The following RAB20 variants were observed in gnomAD, a reference collection of about 807,000 sequenced individuals.
RAB20 encodes the protein ras-related protein Rab-20.
In RAB20, 2 loss-of-function variants were observed where a neutral mutation model predicts 3.7. The ratio of observed to expected loss-of-function variants is 0.54; its 90% CI spans 0.22 to 1.69. RAB20 has a LOEUF of 1.69. RAB20 is among the 40% of genes most tolerant of loss of function. The probability of loss-of-function intolerance (pLI) is 0.19; values close to 1 mark genes in which losing one functional copy is unlikely to be tolerated. For missense variants in RAB20, 276 were observed against 311.9 expected, an observed-to-expected ratio of 0.88 and a Z score of 0.87; for synonymous variants, 126 against 130.8, an observed-to-expected ratio of 0.96 and a Z score of 0.25.
intron 1 of RAB20, among the ~76,000 whole-genome samples, chr13:110,535,039 G>T (rs1478252035): frequency 2.0e-5 from 3 of 152,108 alleles, no homozygotes; most frequent in Non-Finnish European, 4.4e-5. Context: ...TCACTAAGTT[G>T]CCCAGCCTGG....
chr13:110,556,436 T>G, intron 1 of RAB20, among the ~76,000 whole-genome samples: 1 of 152,230 alleles, frequency 6.6e-6, no homozygotes, highest in East Asian at 1.9e-4. Flanking sequence ...CAGAAAGGAA[T>G]GCAATCCTGC....
intron 1 of RAB20, among the ~76,000 whole-genome samples, chr13:110,537,169 T>A (rs12858039): frequency 6.6e-6 from 1 of 151,854 alleles, no homozygotes; most frequent in Non-Finnish European, 1.5e-5. Context: ...ATTTTTATTT[T>A]TTTTTTGGTA....
At chr13:110,549,546 C>T (rs1296578068) in intron 1 of RAB20, among the ~76,000 whole-genome samples, 3 of 152,198 alleles carry the variant, frequency 2.0e-5, no homozygotes, top group African/African-American at 7.2e-5. Flanking sequence ...GTCCTCCTTT[C>T]ACCTGGCCCA....
chr13:110,555,159 C>T lies in RAB20; in HGVS notation c.172+6189G>A, dbSNP rs1158723236. Among the ~76,000 whole-genome samples, 4 of 152,192 alleles carry T rather than the reference C, an allele frequency of 2.6e-5. No individual in the cohort carries two copies. Among genetic ancestry groups the T allele is most frequent in the African/African-American group, 9.6e-5 (4 of 41,456 alleles). On this transcript the variant is annotated intron_variant, in intron 1 of 1. Transcript: ENST00000267328. This position sits in a 1 kb window ranked among gnomAD's most constrained non-coding sequence, Gnocchi z 4.0. ...CTGGCACGTGGCAGGGACCCACATA[C>T]AGTGGCAATTACTGTAAGTGTTGGA... is the stretch of plus-strand genomic sequence containing the variant.
intron 1 of RAB20, 140 bp downstream of exon 1, chr13:110,561,208 G>T (rs957330560): frequency 2.7e-6 from 3 of 1,128,742 alleles, no homozygotes; most frequent in Non-Finnish European, 2.4e-6. Context: ...AAGGGAGGAC[G>T]AGTGGGAAAC....
chr13:110,561,200 G>A (rs1166242714), intron 1 of RAB20, 148 bp downstream of exon 1: 3 of 1,081,948 alleles, frequency 2.8e-6, no homozygotes, highest in Admixed American at 3.4e-5. Flanking sequence ...CAACCAGCAA[G>A]GGAGGACGAG....
intron 1 of RAB20, among the ~76,000 whole-genome samples, chr13:110,547,874 C>CT (rs1884882178): frequency 6.6e-6 from 1 of 152,218 alleles, no homozygotes; most frequent in Non-Finnish European, 1.5e-5. Flanking sequence ...AATCAGCCTA[C>CT]ACAACAGTAT....
chr13:110,534,809 GA>G (rs1170374257), intron 1 of RAB20, among the ~76,000 whole-genome samples: 1 of 152,160 alleles, frequency 6.6e-6, no homozygotes, highest in Non-Finnish European at 1.5e-5. Context: ...TTTCCAAAAC[GA>G]AGAGCAGAAG....
chr13:110,556,428 G>A (rs1885040483), intron 1 of RAB20, among the ~76,000 whole-genome samples: 1 of 152,222 alleles, frequency 6.6e-6, no homozygotes, highest in African/African-American at 2.4e-5. Context: ...TCAGCCTCCA[G>A]AAAGGAATGC....
intron 1 of RAB20, among the ~76,000 whole-genome samples, chr13:110,534,659 C>G (rs1450478559): frequency 3.3e-5 from 5 of 152,184 alleles, no homozygotes; most frequent in African/African-American, 1.2e-4. Flanking sequence ...AATATGAACA[C>G]CCTCTACTGT....
At chr13:110,528,717 C>T (rs919358929) in intron 1 of RAB20, among the ~76,000 whole-genome samples, 4 of 152,204 alleles carry the variant, frequency 2.6e-5, no homozygotes, top group African/African-American at 9.6e-5. Context: ...AATAGTTTTC[C>T]ATTCCAGATA....
At chr13:110,526,183 T>C (rs1323894916) in intron 1 of RAB20, among the ~76,000 whole-genome samples, 1 of 104,382 alleles carries the variant, frequency 9.6e-6, no homozygotes, top group African/African-American at 3.9e-5. Context: ...GAGGGAGAGC[T>C]GGGAACGACT....
intron 1 of RAB20, among the ~76,000 whole-genome samples, chr13:110,541,292 G>GT (rs1299909023): frequency 7.2e-5 from 11 of 152,142 alleles, no homozygotes; most frequent in African/African-American, 2.7e-4. Flanking sequence ...GTGGCACAGG[G>GT]TAACAGGCCA....
rs61582404 is a variant in RAB20, at chr13:110,527,900, TACACACACACACACAC to T, written c.173-3719_173-3704del. 3.8e-4 allele frequency among the ~76,000 whole-genome samples: 52 copies of T among 138,216 alleles called. 1 individual carries two copies. In the South Asian group the frequency reaches 7.5e-3, roughly 20 times the overall value. The allele number at this position is 138,216 out of a possible 152,430, so 90.7% of individuals were successfully genotyped here. ...ATAGCAAGGCTCCTATCTCTACAAA[TACACACACACACACAC>T]ACACACACACACACACACACACACA... On this transcript the variant is annotated intron_variant, in intron 1 of 1. Coordinates refer to ENST00000267328, the MANE Select transcript of RAB20 (RefSeq NM_017817.3).
At chr13:110,546,816 C>T (rs1441600183) in intron 1 of RAB20, among the ~76,000 whole-genome samples, 1 of 151,746 alleles carries the variant, frequency 6.6e-6, no homozygotes, top group African/African-American at 2.4e-5. Context: ...CAGCTCACTG[C>T]AGCTTCAAAC....
chr13:110,528,190 G>A (rs1884465923), intron 1 of RAB20, among the ~76,000 whole-genome samples: 1 of 151,966 alleles, frequency 6.6e-6, no homozygotes, highest in African/African-American at 2.4e-5. Flanking sequence ...GCCGGGGTGG[G>A]CGGATCACCT....
At chr13:110,537,272 G>A (rs1206235055) in intron 1 of RAB20, among the ~76,000 whole-genome samples, 2 of 151,510 alleles carry the variant, frequency 1.3e-5, no homozygotes, top group Non-Finnish European at 2.9e-5. Flanking sequence ...GGCCTCCCAC[G>A]GTGCTGGGAT....
At chr13:110,543,947 G>A (rs1030606972) in intron 1 of RAB20, among the ~76,000 whole-genome samples, 39 of 151,812 alleles carry the variant, frequency 2.6e-4, no homozygotes, top group African/African-American at 9.2e-4. Flanking sequence ...GCCAATTTTT[G>A]TATTTTTAGT....
chr13:110,543,947 G>C (rs1030606972), intron 1 of RAB20, among the ~76,000 whole-genome samples: 1 of 151,812 alleles, frequency 6.6e-6, no homozygotes, highest in Non-Finnish European at 1.5e-5. Context: ...GCCAATTTTT[G>C]TATTTTTAGT....
Sources: allele counts gnomAD v4.1 joint callset (sites outside exome capture counted in the v4.1 genomes callset), GRCh38; gene constraint gnomAD v4.1.1; non-coding constraint Gnocchi (gnomAD v3.1); transcripts MANE v1.5; gene names NCBI Gene and HGNC (gene_info 2026-07-23, HGNC 2026-07-21).